The following SLC44A5 variants were observed in gnomAD, a reference collection of about 807,000 sequenced individuals.
SLC44A5 encodes the protein choline transporter-like protein 5.
Under a neutral mutation model 101.8 loss-of-function variants are expected in SLC44A5, and 57 were observed. The ratio of observed to expected loss-of-function variants is 0.56; its 90% CI spans 0.45 to 0.70. The LOEUF is 0.70. Ranked by LOEUF, SLC44A5 falls within the 30% of genes least tolerant of loss-of-function variation. The probability of loss-of-function intolerance (pLI) is 0.00; values close to 1 mark genes in which losing one functional copy is unlikely to be tolerated. For missense variants in SLC44A5, 737 were observed against 853.1 expected (o/e 0.86, Z 1.70); for synonymous variants, 281 against 290.9 (o/e 0.97, Z 0.35).
At chr1:75,676,624 G>A in the SLC44A5 span, among the ~76,000 whole-genome samples, 2 of 152,160 alleles carry the variant, frequency 1.3e-5, no homozygotes, top group Non-Finnish European at 2.9e-5. Flanking sequence ...ATTGATAGGT[G>A]CAGCAAATCA....
At chr1:75,621,346 T>A in the SLC44A5 span, among the ~76,000 whole-genome samples, 1 of 152,154 alleles carries the variant, frequency 6.6e-6, no homozygotes, top group Non-Finnish European at 1.5e-5. Context: ...ATGCCAAGAC[T>A]ACACATAAAG....
At chr1:75,280,150 TATATATTATATATTG>T (rs1652299726) in intron 5 of SLC44A5, among the ~76,000 whole-genome samples, 1 of 38 alleles carries the variant, frequency 0.026, no homozygotes, top group African/African-American at 0.17. Context: ...ATATATATTG[TATATATTATATATTG>T]TATATATAAT....
chr1:75,498,925 G>A (rs1466717750), intron 2 of SLC44A5, among the ~76,000 whole-genome samples: 6 of 152,124 alleles, frequency 3.9e-5, no homozygotes, highest in Non-Finnish European at 5.9e-5. Flanking sequence ...GCCATGTAAC[G>A]ATGTTTTGGC....
At chr1:75,568,382 G>T (rs1672897920) in intron 1 of SLC44A5, among the ~76,000 whole-genome samples, 3 of 152,122 alleles carry the variant, frequency 2.0e-5, no homozygotes, top group Admixed American at 2.0e-4. Context: ...TCTTTGGAAG[G>T]ACATAGATGG....
intron 3 of SLC44A5, among the ~76,000 whole-genome samples, chr1:75,359,731 T>C (rs538428819): frequency 6.6e-6 from 1 of 152,306 alleles, no homozygotes; most frequent in Non-Finnish European, 1.5e-5. Context: ...TTTTTGGTTT[T>C]TTGGGGAACT....
chr1:75,302,548 A>G (rs1654574007), intron 4 of SLC44A5, among the ~76,000 whole-genome samples: 1 of 152,192 alleles, frequency 6.6e-6, no homozygotes, highest in Non-Finnish European at 1.5e-5. Context: ...ACCCCTAGTG[A>G]ATGCCTGAAC....
chr1:75,572,374 T>C (rs1311269461), intron 1 of SLC44A5, among the ~76,000 whole-genome samples: 1 of 152,178 alleles, frequency 6.6e-6, no homozygotes, highest in Non-Finnish European at 1.5e-5. Context: ...ATTAGTGAAG[T>C]GTTCAAGCAG....
chr1:75,606,202 CTT>C (rs1378292550), intron 1 of SLC44A5, among the ~76,000 whole-genome samples: 1 of 151,908 alleles, frequency 6.6e-6, no homozygotes, highest in African/African-American at 2.4e-5. Context: ...CTTCTGGAAA[CTT>C]TTTCCTACTA....
At chr1:75,241,467 A>C (rs1372684603) in intron 9 of SLC44A5, among the ~76,000 whole-genome samples, 1 of 151,790 alleles carries the variant, frequency 6.6e-6, no homozygotes, top group Non-Finnish European at 1.5e-5. Flanking sequence ...CAATCCTCCC[A>C]CCTTGGCCTC....
intron 2 of SLC44A5, among the ~76,000 whole-genome samples, chr1:75,441,914 C>A (rs1246619707): frequency 6.6e-6 from 1 of 152,078 alleles, no homozygotes; most frequent in Non-Finnish European, 1.5e-5. Context: ...TTGAACAACT[C>A]AATTAGCAAG....
intron 4 of SLC44A5, among the ~76,000 whole-genome samples, chr1:75,336,222 C>G (rs1345169613): frequency 6.6e-6 from 1 of 152,118 alleles, no homozygotes; most frequent in African/African-American, 2.4e-5. Context: ...GTGGCATGAT[C>G]TCAACTCACT....
intron 23 of SLC44A5, chr1:75,204,455 G>A (rs1006203073): frequency 6.6e-6 from 1 of 151,824 alleles, no homozygotes; most frequent in Non-Finnish European, 1.5e-5. Context: ...ACTTGTTTAT[G>A]TGTTGATTTT....
chr1:75,708,064 A>T, the SLC44A5 span, among the ~76,000 whole-genome samples: 1 of 152,110 alleles, frequency 6.6e-6, no homozygotes, highest in South Asian at 2.1e-4. Flanking sequence ...TGACAAGGCT[A>T]GTGGGAATGT....
At position 75,606,180 on chromosome 1, in the gene SLC44A5, G is replaced by T. The variant is rs114946742; in HGVS notation, c.-70+4860C>A. Among the ~76,000 whole-genome samples, 751 of 151,952 alleles carry T rather than the reference G, an allele frequency of 4.9e-3. 5 individuals are homozygous for T. Among genetic ancestry groups the T allele is most frequent in the African/African-American group, 0.017 (719 of 41,468 alleles). On this transcript the variant is annotated intron_variant, in intron 1 of 23. Coordinates refer to ENST00000370859, the MANE Select transcript of SLC44A5 (RefSeq NM_001130058.2). ...GCCACAGTCAGCAACAAGATGACTG[G>T]CAAACTCTTGTCTTCTGGAAACTTT...
At chr1:75,517,677 AAGC>A (rs1570502572) in intron 2 of SLC44A5, among the ~76,000 whole-genome samples, 1 of 152,354 alleles carries the variant, frequency 6.6e-6, no homozygotes, top group East Asian at 1.9e-4. Flanking sequence ...GTCATGCAAA[AAGC>A]AGAAGAAGCA....
At chr1:75,267,324 T>A (rs956266154) in intron 6 of SLC44A5, among the ~76,000 whole-genome samples, 1 of 152,156 alleles carries the variant, frequency 6.6e-6, no homozygotes, top group Non-Finnish European at 1.5e-5. Context: ...AAAATGTTTA[T>A]CTGGTTTTTT....
the SLC44A5 span, among the ~76,000 whole-genome samples, chr1:75,697,615 T>C: frequency 1.3e-5 from 2 of 152,056 alleles, no homozygotes; most frequent in East Asian, 3.9e-4. Flanking sequence ...GGCGAAACTG[T>C]CTCTACAAAA....
At chr1:75,630,694 C>T in the SLC44A5 span, among the ~76,000 whole-genome samples, 1 of 152,068 alleles carries the variant, frequency 6.6e-6, no homozygotes, top group African/African-American at 2.4e-5. Flanking sequence ...GTTGTTTTTA[C>T]CTGTTTACTC....
At chr1:75,464,629 G>A (rs116362708) in intron 2 of SLC44A5, among the ~76,000 whole-genome samples, 3,421 of 152,024 alleles carry the variant, frequency 0.023, 56 homozygotes, top group Non-Finnish European at 0.038. Context: ...AAAAAAAGAA[G>A]TAATAACCTG....
Sources: gnomAD v4.1 joint callset for allele counts (sites outside exome capture counted in the v4.1 genomes callset) on GRCh38, gnomAD v4.1.1 for gene constraint, MANE v1.5 for transcripts, NCBI Gene and HGNC (gene_info 2026-07-23, HGNC 2026-07-21) for gene names.